Variants in PCDHGB1 observed in about 807,000 individuals in gnomAD.
The protein encoded by PCDHGB1 is protocadherin gamma-B1.
PCDHGB1 carries 34 observed loss-of-function variants against 56.6 expected under a neutral mutation model. The observed-to-expected ratio is 0.60, with a 90% CI of 0.46 to 0.80. The LOEUF is 0.80. Ranked by LOEUF, PCDHGB1 falls within the 30% of genes least tolerant of loss-of-function variation. The pLI is 0.00. For missense variants in PCDHGB1, 1,278 were observed against 1,204.6 expected, an observed-to-expected ratio of 1.06 and a Z score of -0.90; for synonymous variants, 561 against 505.9, an observed-to-expected ratio of 1.11 and a Z score of -1.46.
Position 141,485,752 on chromosome 5 carries a change from G to A in PCDHGB1, c.2410-9055G>A. 1 of 1,614,232 alleles carries A rather than the reference G, an allele frequency of 6.2e-7. No individual in the cohort carries two copies. Among genetic ancestry groups the A allele is most frequent in the Middle Eastern group, 1.6e-4 (1 of 6,062 alleles). ...GCAGCGACGGCAGCCTGGTCCCAGA[G>A]CTGCTCCTGGAGAAGCCTTTGGATC... On this transcript the variant is annotated intron_variant, in intron 1 of 3. Coordinates refer to ENST00000523390, the MANE Select transcript of PCDHGB1 (RefSeq NM_018922.3). This position sits in a 1 kb window ranked among gnomAD's most constrained non-coding sequence, Gnocchi z 5.7.
chr5:141,376,169 G>C (rs779538880), intron 1 of PCDHGB1: 1 of 1,614,106 alleles, frequency 6.2e-7, no homozygotes, highest in South Asian at 1.1e-5. Flanking sequence ...CCTGGTGGTG[G>C]CGGTGGCCGC....
intron 1 of PCDHGB1, among the ~76,000 whole-genome samples, chr5:141,363,979 A>G (rs1179984185): frequency 6.6e-6 from 1 of 152,272 alleles, no homozygotes; most frequent in Non-Finnish European, 1.5e-5. Flanking sequence ...GCTATTCAGA[A>G]TTAAAGCTGA....
intron 1 of PCDHGB1, chr5:141,400,157 C>G (rs778405500): frequency 3.7e-6 from 6 of 1,614,050 alleles, no homozygotes; most frequent in African/African-American, 1.3e-5. Context: ...CGCCCTGTAC[C>G]CTCTGACCCC....
chr5:141,422,809 G>A (rs1169197801), intron 1 of PCDHGB1: 8 of 1,614,232 alleles, frequency 5.0e-6, no homozygotes, highest in Non-Finnish European at 6.8e-6. Context: ...GCAGTTTCGA[G>A]ACTTAGAACT....
At chr5:141,361,203 A>G (rs1192913836) in intron 1 of PCDHGB1, 4 of 1,613,850 alleles carry the variant, frequency 2.5e-6, no homozygotes, top group Non-Finnish European at 3.4e-6. Flanking sequence ...CTACTCCCCT[A>G]CCGGAGGATT....
chr5:141,377,296 T>A (rs555068589), intron 1 of PCDHGB1: 1 of 152,208 alleles, frequency 6.6e-6, no homozygotes, highest in Non-Finnish European at 1.5e-5. Flanking sequence ...TTAATTTAGG[T>A]CAGTGTTAAA....
chr5:141,417,034 T>C (rs1408752235), intron 1 of PCDHGB1: 1 of 151,548 alleles, frequency 6.6e-6, no homozygotes, highest in Non-Finnish European at 1.5e-5. Context: ...ACAGGTTTTT[T>C]TTTTAAAAAA....
chr5:141,440,905 C>A (rs986711694), intron 1 of PCDHGB1: 1 of 152,184 alleles, frequency 6.6e-6, no homozygotes, highest in East Asian at 1.9e-4. Context: ...TGCATCCGGG[C>A]ACTCCTGTGC....
intron 1 of PCDHGB1, chr5:141,404,430 A>G (rs917902438): frequency 6.2e-7 from 1 of 1,613,298 alleles, no homozygotes; most frequent in African/African-American, 1.3e-5. Context: ...TCCTTGGCAG[A>G]GGATACCATC....
In PCDHGB1 at chr5:141,352,708, G is replaced by A. The variant is rs193159920; in HGVS notation, c.2409+39G>A. The A allele has an allele frequency of 1.0e-4, 157 of 1,543,660 alleles. No individual in the cohort carries two copies. The African/African-American group carries it at 1.9e-3, about 19-fold the overall frequency. On this transcript the variant is annotated intron_variant, in intron 1 of 3. Transcript: ENST00000523390. The stretch of plus-strand genomic sequence containing the variant: ...AATCTAGTTAAATTTTATATATGGC[G>A]GCCGGGCGCGGTGGCTCAAGCCTGT...
In PCDHGB1 at chr5:141,389,708, G is replaced by C. The variant is rs773973967; in HGVS notation, c.2409+37039G>C. On this transcript the variant is annotated intron_variant, in intron 1 of 3. Coordinates refer to ENST00000523390, the MANE Select transcript of PCDHGB1 (RefSeq NM_018922.3). ...CCTGGCTGTCCTACCACGTGCTGCA[G>C]GCTAGCGAGCCCGGGCTCTTCAGCC... The C allele has an allele frequency of 4.3e-6, 7 of 1,612,610 alleles. No homozygotes were observed. In the South Asian group the frequency reaches 7.7e-5, roughly 18 times the overall value.
chr5:141,351,767 G>C lies in PCDHGB1; in HGVS notation c.1507G>C (p.Val503Leu). Residue 503 changes from valine (V) to leucine (L), a missense_variant, in exon 1 of 4, where the codon GTG becomes CTG. Physicochemically the swap from Val to Leu is conservative, Grantham distance 32. Transcript: ENST00000523390. ...EPRELLSYVS[V>L]SPQSGVVFAQ... ...GCGGGAGCTGTTGTCCTACGTGTCC[G>C]TGAGCCCGCAGAGCGGGGTGGTGTT... 6.2e-7 allele frequency: 1 copy of C among 1,613,536 alleles called. No homozygotes were observed. The highest frequency in any genetic ancestry group is 8.5e-7 in the Non-Finnish European group (1 of 1,179,906).
chr5:141,443,826 G>C (rs955306823), intron 1 of PCDHGB1, among the ~76,000 whole-genome samples: 1 of 151,978 alleles, frequency 6.6e-6, no homozygotes, highest in African/African-American at 2.4e-5. Flanking sequence ...AACATAATTA[G>C]GTAAAATGGG....
intron 1 of PCDHGB1, among the ~76,000 whole-genome samples, chr5:141,464,886 A>T (rs541933775): frequency 5.2e-4 from 79 of 152,156 alleles, no homozygotes; most frequent in African/African-American, 1.9e-3. Flanking sequence ...CTACAGATGG[A>T]TGCCACCATG....
In PCDHGB1 at chr5:141,374,803, A is replaced by G. The variant is rs371815306; in HGVS notation, c.2409+22134A>G. The G allele has an allele frequency of 9.7e-5, 157 of 1,613,866 alleles. 1 individual carries two copies. Among genetic ancestry groups the G allele is most frequent in the Middle Eastern group, 1.6e-4 (1 of 6,084 alleles). On this transcript the variant is annotated intron_variant, in intron 1 of 3. Coordinates refer to ENST00000523390, the MANE Select transcript of PCDHGB1 (RefSeq NM_018922.3). ...TTCTAGATGTGAATGACAACACTCC[A>G]ATGTTTACTCAGCCTGTCTACCGTG...
intron 1 of PCDHGB1, chr5:141,393,816 A>T: frequency 6.2e-7 from 1 of 1,613,988 alleles, no homozygotes; most frequent in South Asian, 1.1e-5. Context: ...CAAATTGCTC[A>T]TTTCGGTGGA....
At chr5:141,408,936 A>T in intron 1 of PCDHGB1, 4 of 1,613,548 alleles carry the variant, frequency 2.5e-6, no homozygotes, top group Non-Finnish European at 1.7e-6. Flanking sequence ...TTCAGCAGAG[A>T]CGAATATAGA....
At chr5:141,469,770 A>G (rs1003620088) in intron 1 of PCDHGB1, among the ~76,000 whole-genome samples, 4 of 152,234 alleles carry the variant, frequency 2.6e-5, no homozygotes, top group Non-Finnish European at 5.9e-5. Flanking sequence ...ATACCAGCTT[A>G]TTTATTACAG....
rs1208504589 is a variant in PCDHGB1, at chr5:141,431,631, T to C, written c.2410-63176T>C. On this transcript the variant is annotated intron_variant, in intron 1 of 3. Coordinates refer to ENST00000523390, the MANE Select transcript of PCDHGB1 (RefSeq NM_018922.3). The surrounding 1 kb of genome is among the most constrained non-coding windows in gnomAD (Gnocchi z 4.8). ...TATGTGGACGACAAGGCGGCCCAAG[T>C]TTTCAAACTAGATTGTAATTCAGGG... The C allele has an allele frequency of 6.2e-6, 10 of 1,614,132 alleles. No individual in the cohort carries two copies. Among genetic ancestry groups the C allele is most frequent in the Non-Finnish European group, 8.5e-6 (10 of 1,180,016 alleles).
Sources: gnomAD v4.1 joint callset for allele counts (sites outside exome capture counted in the v4.1 genomes callset) on GRCh38, gnomAD v4.1.1 for gene constraint, Gnocchi (gnomAD v3.1) non-coding constraint, MANE v1.5 for transcripts, NCBI Gene and HGNC (gene_info 2026-07-23, HGNC 2026-07-21) for gene names.